The following ANO9 variants were observed in gnomAD, a reference collection of about 807,000 sequenced individuals.
ANO9 encodes the protein anoctamin 9.
In ANO9, 80 loss-of-function variants were observed where a neutral mutation model predicts 100.5. That is an observed-to-expected ratio of 0.80 (90% confidence interval 0.66 to 0.96). The LOEUF (loss-of-function observed/expected upper bound fraction) is 0.96. ANO9 is among the 40% of genes least tolerant of loss of function. ANO9 has a pLI of 0.00. For missense variants in ANO9, 1,064 were observed against 1,072.7 expected (o/e 0.99, Z 0.11); for synonymous variants, 473 against 435.6 (o/e 1.09, Z -1.07).
chr11:435,362 T>G lies in ANO9; in HGVS notation c.7-1264A>C, dbSNP rs374465548. Reference sequence around the variant, plus strand: ...TAGTCTAGTCTAGTCTGGTCTAGTATAGCATAGGATATCATAGCATAGCAT... The same window carrying G: ...TAGTCTAGTCTAGTCTGGTCTAGTAGAGCATAGGATATCATAGCATAGCAT... On this transcript the variant is annotated intron_variant, in intron 1 of 22. Transcript: ENST00000332826. 4.6e-5 allele frequency among the ~76,000 whole-genome samples: 7 copies of G among 152,220 alleles called. No homozygotes were observed. In the East Asian group the frequency reaches 1.2e-3, roughly 25 times the overall value.
At chr11:423,957 G>A (rs1219957594) in intron 15 of ANO9, among the ~76,000 whole-genome samples, 5 of 149,282 alleles carry the variant, frequency 3.3e-5, no homozygotes, top group African/African-American at 1.0e-4. Flanking sequence ...CACCCAGGCT[G>A]GAGCGCAATG....
intron 7 of ANO9, among the ~76,000 whole-genome samples, chr11:431,465 G>A: frequency 1.3e-5 from 1 of 74,338 alleles, no homozygotes; most frequent in Non-Finnish European, 2.5e-5. Flanking sequence ...GCTCCCGCGG[G>A]TATCTGGGGG....
At chr11:433,169 C>T in intron 4 of ANO9, 145 bp downstream of exon 4, 1 of 1,156,802 alleles carries the variant, frequency 8.6e-7, no homozygotes. Flanking sequence ...CAGTGGGTCT[C>T]ACACCTGTGG....
At position 432,280 on chromosome 11, in the gene ANO9, A is replaced by G; in HGVS notation, c.351-226T>C. The G allele has an allele frequency of 1.8e-6, 1 of 559,726 alleles. No individual in the cohort carries two copies. The highest frequency in any genetic ancestry group is 3.2e-6 in the Non-Finnish European group (1 of 312,970). The allele number at this position is 559,726 out of a possible 1,614,324, so 34.7% of individuals were successfully genotyped here. On this transcript the variant is annotated intron_variant, in intron 4 of 22. Transcript: ENST00000332826. The surrounding 1 kb of genome is among the most constrained non-coding windows in gnomAD (Gnocchi z 4.8). ...GGCCTGCCCCACGGCGTCCAGGATG[A>G]GGCTGGGCTGGGGGCTCCTTCTCCT...
At chr11:429,315 C>A (rs150142219) in intron 11 of ANO9, among the ~76,000 whole-genome samples, 162 of 143,452 alleles carry the variant, frequency 1.1e-3, no homozygotes, top group African/African-American at 4.1e-3. Flanking sequence ...GGACACGCAC[C>A]CCACACGTGG....
intron 1 of ANO9, among the ~76,000 whole-genome samples, chr11:435,754 G>A (rs919216576): frequency 1.3e-5 from 2 of 151,528 alleles, no homozygotes; most frequent in Non-Finnish European, 2.9e-5. Context: ...GTCTAGTATA[G>A]TCTAGTCTAG....
At chr11:429,724 C>G (rs772908614) in intron 10 of ANO9, 34 bp downstream of exon 10, 2 of 1,611,940 alleles carry the variant, frequency 1.2e-6, no homozygotes, top group East Asian at 2.2e-5. Flanking sequence ...TGGCACTTCC[C>G]CTGGCCCCGC....
chr11:441,845 G>T, intron 1 of ANO9, 76 bp downstream of exon 1: 1 of 1,551,944 alleles, frequency 6.4e-7, no homozygotes, highest in Middle Eastern at 2.0e-4. Flanking sequence ...CTGGCGGGGG[G>T]CTGGGGCCGG....
chr11:434,859 T>C (rs1056219836), intron 1 of ANO9, among the ~76,000 whole-genome samples: 1 of 152,130 alleles, frequency 6.6e-6, no homozygotes, highest in Non-Finnish European at 1.5e-5. Flanking sequence ...CTGATATTTG[T>C]TAATTACTGA....
rs769288851 is a variant in ANO9 at position 420,735 on chromosome 11, T to C, written c.1616A>G (p.Asp539Gly). The C allele has an allele frequency of 6.2e-7, 1 of 1,608,676 alleles. No homozygotes were observed. Among genetic ancestry groups the C allele is most frequent in the Non-Finnish European group, 8.5e-7 (1 of 1,178,742 alleles). Residue 539 changes from aspartate (D) to glycine (G), a missense_variant, in exon 18 of 23, where the codon GAC (aspartate) becomes GGC (glycine). Transcript: ENST00000332826. ...LNPVNTFSLF[D>G]EFMEMMIQYG... ...CCACGCACTCATCTCCATGAACTCG[T>C]CGAACAGGCTGAAGGTGTTGACCGG...
chr11:420,031 G>C, intron 19 of ANO9: 1 of 1,346,076 alleles, frequency 7.4e-7, no homozygotes, highest in South Asian at 1.7e-5. Context: ...CCCAGGGTAA[G>C]ACCTTGTAAC....
intron 1 of ANO9, among the ~76,000 whole-genome samples, chr11:437,718 C>T (rs946618301): frequency 2.6e-5 from 4 of 152,212 alleles, no homozygotes; most frequent in Admixed American, 6.5e-5. Context: ...GTCTGGGGGA[C>T]GTGGGCATCA....
chr11:441,943 G>C lies in ANO9; in HGVS notation c.-17C>G. 3.1e-6 allele frequency: 5 copies of C among 1,606,646 alleles called. No homozygotes were observed. Among genetic ancestry groups the C allele is most frequent in the Non-Finnish European group, 4.2e-6 (5 of 1,179,114 alleles). ...CACCTGCATGCTGGCTGTGGCCGGA[G>C]TTCCAGCTGGGGTTTGGCGGCCAGG... On this transcript the variant is annotated 5_prime_UTR_variant, in exon 1 of 23. Transcript: ENST00000332826.
In ANO9 at chr11:438,925, TAC is replaced by T. The variant is rs370380880; in HGVS notation, c.6+2994_6+2995del. Among the ~76,000 whole-genome samples the T allele has an allele frequency of 9.9e-4, 151 of 152,268 alleles. 1 individual carries two copies. In the East Asian group the frequency reaches 0.023, roughly 24 times the overall value. ...CCAGGGTAGGGACAGGGGCTGTCCC[TAC>T]ACACTCAGTCTGAGGGCCTCTGAAG... On this transcript the variant is annotated intron_variant, in intron 1 of 22. Transcript: ENST00000332826.
At chr11:433,718 C>A (rs1309132145) in intron 3 of ANO9, 97 bp downstream of exon 3, 1 of 1,476,714 alleles carries the variant, frequency 6.8e-7, no homozygotes, top group Non-Finnish European at 9.0e-7. Flanking sequence ...CACAGCCCTG[C>A]CCCTCGCTGG....
At chr11:433,793 C>A in intron 3 of ANO9, 22 bp downstream of exon 3, 2 of 1,550,678 alleles carry the variant, frequency 1.3e-6, no homozygotes, top group Non-Finnish European at 1.7e-6. Flanking sequence ...ATGGCCCTGC[C>A]CCTCGCTGGG....
chr11:429,463 G>A (rs926884816), intron 11 of ANO9, 107 bp downstream of exon 11: 16 of 1,523,624 alleles, frequency 1.1e-5, no homozygotes, highest in African/African-American at 2.7e-5. Flanking sequence ...AGACAGACTC[G>A]GGACACACAC....
chr11:428,687 G>C, intron 12 of ANO9, 35 bp downstream of exon 12: 2 of 1,612,278 alleles, frequency 1.2e-6, no homozygotes, highest in Non-Finnish European at 1.7e-6. Flanking sequence ...CATGCAGCCC[G>C]GGTCTCCAGC....
chr11:420,930 G>A lies in ANO9; in HGVS notation c.1490+15C>T. The A allele has an allele frequency of 6.2e-7, 1 of 1,600,750 alleles. No individual in the cohort carries two copies. The highest frequency in any genetic ancestry group is 1.3e-5 in the African/African-American group (1 of 74,776). On this transcript the variant is annotated intron_variant, in intron 17 of 22. Transcript: ENST00000332826. ...GGCCTGGGGCTCCCGGGGCTGGGCG[G>A]GGGTCGGCACTCACGGGACCAGGTA... is the stretch of plus-strand genomic sequence containing the variant.
Sources: allele counts gnomAD v4.1 joint callset (sites outside exome capture counted in the v4.1 genomes callset), GRCh38; gene constraint gnomAD v4.1.1; non-coding constraint Gnocchi (gnomAD v3.1); transcripts MANE v1.5; gene names NCBI Gene and HGNC (gene_info 2026-07-23, HGNC 2026-07-21).